KCNC2: variants seen among roughly 807,000 people sequenced by gnomAD.
The protein encoded by KCNC2 is potassium voltage-gated channel subfamily C member 2, also known as voltage-gated potassium channel KCNC2.
Under a neutral mutation model 44.5 loss-of-function variants are expected in KCNC2, and 21 were observed. That is an observed-to-expected ratio of 0.47 (90% CI 0.33 to 0.68). The LOEUF (loss-of-function observed/expected upper bound fraction) is 0.68, where lower values mean the gene tolerates loss of function less well. Ranked by LOEUF, KCNC2 falls within the 30% of genes least tolerant of loss-of-function variation. The pLI, the probability that KCNC2 is intolerant of heterozygous loss-of-function variation, is 0.01. For synonymous variants in KCNC2, 391 were observed against 339.1 expected, an observed-to-expected ratio of 1.15 and a Z score of -1.68; for missense variants, 589 against 826.2, an observed-to-expected ratio of 0.71 and a Z score of 3.52.
intron 2 of KCNC2, among the ~76,000 whole-genome samples, chr12:75,143,353 C>T (rs987152216): frequency 2.0e-5 from 3 of 152,174 alleles, no homozygotes; most frequent in African/African-American, 7.2e-5. Context: ...AATTTTTCTG[C>T]CCCTGAAAAT....
chr12:75,084,260 A>ATATAT (rs1565840248), intron 2 of KCNC2, among the ~76,000 whole-genome samples: 33 of 100,942 alleles, frequency 3.3e-4, no homozygotes, highest in Non-Finnish European at 1.8e-4. Flanking sequence ...ATGATGATAG[A>ATATAT]TAGATAGATT....
At chr12:75,074,383 G>A (rs890347469) in intron 2 of KCNC2, among the ~76,000 whole-genome samples, 2 of 151,742 alleles carry the variant, frequency 1.3e-5, no homozygotes, top group African/African-American at 2.4e-5. Context: ...AGAAGAAAAC[G>A]GTCAAAGTTT....
At position 75,207,274 on chromosome 12, in the gene KCNC2, G is replaced by A. The variant is rs1251714212; in HGVS notation, c.687+23C>T. ...AGTTGGGAGAAGTTGAAGCAGCAGG[G>A]AAGGGGTCGATTCTGGCCTTACCCT... On this transcript the variant is annotated intron_variant, in intron 2 of 4. Coordinates refer to ENST00000549446, the MANE Select transcript of KCNC2 (RefSeq NM_139137.4). This position sits in a 1 kb window ranked among gnomAD's most constrained non-coding sequence, Gnocchi z 4.1. 1.3e-6 allele frequency: 2 copies of A among 1,516,798 alleles called. No individual in the cohort carries two copies. Among genetic ancestry groups the A allele is most frequent in the African/African-American group, 1.4e-5 (1 of 70,412 alleles). The allele number at this position is 1,516,798 out of a possible 1,614,324, so 94.0% of individuals were successfully genotyped here.
intron 2 of KCNC2, among the ~76,000 whole-genome samples, chr12:75,151,729 C>A (rs1890407612): frequency 6.6e-6 from 1 of 151,106 alleles, no homozygotes; most frequent in Non-Finnish European, 1.5e-5. Flanking sequence ...TTGGTATTAT[C>A]AAGAATCAAC....
At chr12:75,102,744 C>T (rs1038503971) in intron 2 of KCNC2, among the ~76,000 whole-genome samples, 1 of 151,902 alleles carries the variant, frequency 6.6e-6, no homozygotes, top group African/African-American at 2.4e-5. Context: ...GAAAAAAGTA[C>T]GTTCCTACAA....
At chr12:75,139,759 C>T (rs1889505121) in intron 2 of KCNC2, among the ~76,000 whole-genome samples, 1 of 152,038 alleles carries the variant, frequency 6.6e-6, no homozygotes, top group South Asian at 2.1e-4. Flanking sequence ...TTTTAAATTT[C>T]TGAAGAACGT....
At chr12:75,107,809 T>C (rs1276255653) in intron 2 of KCNC2, among the ~76,000 whole-genome samples, 1 of 152,200 alleles carries the variant, frequency 6.6e-6, no homozygotes, top group African/African-American at 2.4e-5. Context: ...CAGGAAGAGC[T>C]GCAAAAGAAT....
At chr12:75,066,985 A>G (rs1431551022) in intron 2 of KCNC2, among the ~76,000 whole-genome samples, 2 of 152,130 alleles carry the variant, frequency 1.3e-5, no homozygotes, top group African/African-American at 2.4e-5. Context: ...GGCAGATTAC[A>G]TGAGTCCAGG....
chr12:75,046,922 A>C (rs1202884939), intron 4 of KCNC2, among the ~76,000 whole-genome samples: 1 of 152,000 alleles, frequency 6.6e-6, no homozygotes, highest in Non-Finnish European at 1.5e-5. Context: ...AAATGAAGAG[A>C]AGTACAACAT....
At chr12:75,187,314 A>G (rs1893020677) in intron 2 of KCNC2, among the ~76,000 whole-genome samples, 1 of 152,222 alleles carries the variant, frequency 6.6e-6, no homozygotes, top group Non-Finnish European at 1.5e-5. Flanking sequence ...GCTCTAGGAG[A>G]GTACAACCTT....
At position 75,040,994 on chromosome 12, in the gene KCNC2, ACT is replaced by A. The variant is rs1241222551; in HGVS notation, c.*2109_*2110del. ...ACACTGGCCAGTCTACAAGCAGAGC[ACT>A]CTCATGGGGAGCACCAGATGAGTTC... is the stretch of plus-strand genomic sequence containing the variant. On this transcript the variant is annotated 3_prime_UTR_variant, in exon 5 of 5. Transcript: ENST00000549446. 2 of 797,494 alleles carry A rather than the reference ACT, an allele frequency of 2.5e-6. No individual in the cohort carries two copies. The highest frequency in any genetic ancestry group is 1.5e-5 in the South Asian group (1 of 66,962). The allele number at this position is 797,494 out of a possible 1,614,324, so 49.4% of individuals were successfully genotyped here.
At chr12:75,142,960 T>C (rs1314362515) in intron 2 of KCNC2, among the ~76,000 whole-genome samples, 2 of 152,162 alleles carry the variant, frequency 1.3e-5, no homozygotes, top group African/African-American at 4.8e-5. Flanking sequence ...CTCCTTTTAC[T>C]TTAAAAGTTT....
intron 2 of KCNC2, among the ~76,000 whole-genome samples, chr12:75,138,771 G>A (rs1289929464): frequency 6.6e-6 from 1 of 151,980 alleles, no homozygotes; most frequent in African/African-American, 2.4e-5. Flanking sequence ...ACGAGGTCAG[G>A]AAATCAAGAC....
intron 2 of KCNC2, among the ~76,000 whole-genome samples, chr12:75,055,547 A>C (rs1881649575): frequency 6.6e-6 from 1 of 152,192 alleles, no homozygotes; most frequent in Admixed American, 6.6e-5. Context: ...AATAATTGAA[A>C]TGTTAGAAAG....
intron 2 of KCNC2, among the ~76,000 whole-genome samples, chr12:75,124,653 T>G (rs1343901026): frequency 6.6e-6 from 1 of 152,190 alleles, no homozygotes; most frequent in African/African-American, 2.4e-5. Flanking sequence ...ACCAGACTCA[T>G]AAAATTTAAA....
intron 2 of KCNC2, among the ~76,000 whole-genome samples, chr12:75,162,444 G>A (rs1417843005): frequency 6.6e-6 from 1 of 151,640 alleles, no homozygotes; most frequent in Admixed American, 6.6e-5. Flanking sequence ...GGGACTCTTT[G>A]CCAACACACA....
chr12:75,054,202 G>A (rs1173377835), intron 2 of KCNC2, among the ~76,000 whole-genome samples: 3 of 151,260 alleles, frequency 2.0e-5, no homozygotes, highest in Non-Finnish European at 4.4e-5. Flanking sequence ...CTCGAGCCTG[G>A]GCAACAGAGA....
At chr12:75,196,586 T>C (rs2137749296) in intron 2 of KCNC2, among the ~76,000 whole-genome samples, 1 of 152,204 alleles carries the variant, frequency 6.6e-6, no homozygotes, top group South Asian at 2.1e-4. Flanking sequence ...AGTCAGACAC[T>C]ATTATTTTCT....
At chr12:75,089,349 T>C (rs1247827317) in intron 2 of KCNC2, among the ~76,000 whole-genome samples, 2 of 151,844 alleles carry the variant, frequency 1.3e-5, no homozygotes, top group East Asian at 3.9e-4. Flanking sequence ...ATATTCACTA[T>C]GTAATACTCC....
Sources: gnomAD v4.1 joint callset for allele counts (sites outside exome capture counted in the v4.1 genomes callset) on GRCh38, gnomAD v4.1.1 for gene constraint, Gnocchi (gnomAD v3.1) non-coding constraint, MANE v1.5 for transcripts, NCBI Gene and HGNC (gene_info 2026-07-23, HGNC 2026-07-21) for gene names.